The following PTPRD variants were observed in gnomAD, a reference collection of about 807,000 sequenced individuals.
PTPRD encodes the protein receptor-type tyrosine-protein phosphatase delta.
In PTPRD, 34 loss-of-function variants were observed where a neutral mutation model predicts 214.5. That is an observed-to-expected ratio of 0.16 (90% CI 0.12 to 0.21). PTPRD has a LOEUF of 0.21. PTPRD is among the 10% of genes least tolerant of loss of function. The pLI, the probability that PTPRD is intolerant of heterozygous loss-of-function variation, is 1.00. For missense variants in PTPRD, 2,545 were observed against 2,398.7 expected (o/e 1.06, Z -1.27); for synonymous variants, 1,128 against 845.7 (o/e 1.33, Z -5.79).
chr9:9,770,828 G>T (rs918803187), intron 5 of PTPRD, among the ~76,000 whole-genome samples: 3 of 152,126 alleles, frequency 2.0e-5, no homozygotes, highest in African/African-American at 7.2e-5. Flanking sequence ...TTGATGAAAT[G>T]AGAAGAGGAA....
chr9:10,604,060 G>C (rs1455018209), intron 2 of PTPRD, among the ~76,000 whole-genome samples: 2 of 151,676 alleles, frequency 1.3e-5, no homozygotes, highest in Non-Finnish European at 2.9e-5. Context: ...TCCCTATGAA[G>C]TTAAAAAACA....
chr9:8,594,254 TAA>T (rs2094332191), intron 14 of PTPRD, among the ~76,000 whole-genome samples: 1 of 152,186 alleles, frequency 6.6e-6, no homozygotes, highest in African/African-American at 2.4e-5. Flanking sequence ...TGCTGTTTTT[TAA>T]AGACAAAAAT....
intron 30 of PTPRD, among the ~76,000 whole-genome samples, chr9:8,480,194 T>C (rs1166663853): frequency 6.6e-6 from 1 of 152,198 alleles, no homozygotes; most frequent in Non-Finnish European, 1.5e-5. Context: ...AAGTACAACG[T>C]GGCCAAACAA....
intron 14 of PTPRD, among the ~76,000 whole-genome samples, chr9:8,550,917 C>G (rs2081906153): frequency 6.6e-6 from 1 of 152,182 alleles, no homozygotes; most frequent in Non-Finnish European, 1.5e-5. Flanking sequence ...ACGGGCCTGT[C>G]TTCGACAGTG....
intron 5 of PTPRD, among the ~76,000 whole-genome samples, chr9:9,871,845 C>G (rs2065545771): frequency 6.6e-6 from 1 of 152,096 alleles, no homozygotes; most frequent in African/African-American, 2.4e-5. Flanking sequence ...GAGGGGTTGG[C>G]TTGATCTTTT....
chr9:9,697,016 CAACTT>C (rs2097389194), intron 7 of PTPRD, among the ~76,000 whole-genome samples: 2 of 152,012 alleles, frequency 1.3e-5, no homozygotes, highest in Non-Finnish European at 2.9e-5. Flanking sequence ...TTTAAATAGA[CAACTT>C]ATCTGATCAC....
At chr9:9,518,972 A>G (rs768417083) in intron 8 of PTPRD, among the ~76,000 whole-genome samples, 22 of 151,978 alleles carry the variant, frequency 1.4e-4, no homozygotes, top group Non-Finnish European at 3.1e-4. Context: ...CTGTATGTGG[A>G]CCATTAGTTA....
At chr9:8,998,694 C>T (rs1278635230) in intron 11 of PTPRD, among the ~76,000 whole-genome samples, 1 of 152,018 alleles carries the variant, frequency 6.6e-6, no homozygotes, top group African/African-American at 2.4e-5. Flanking sequence ...GCTAGAGCTG[C>T]TATGGATAGT....
intron 11 of PTPRD, among the ~76,000 whole-genome samples, chr9:8,977,577 G>A (rs1400113614): frequency 3.3e-5 from 5 of 151,292 alleles, no homozygotes; most frequent in African/African-American, 1.2e-4. Flanking sequence ...AACCCTCGAG[G>A]TTTTGTTTAA....
At chr9:8,696,208 G>T (rs573663512) in intron 12 of PTPRD, among the ~76,000 whole-genome samples, 2 of 152,286 alleles carry the variant, frequency 1.3e-5, no homozygotes, top group African/African-American at 4.8e-5. Flanking sequence ...CACGGGATGG[G>T]AAACCAAGAG....
intron 9 of PTPRD, among the ~76,000 whole-genome samples, chr9:9,213,875 C>G (rs1211246543): frequency 2.0e-5 from 3 of 152,138 alleles, no homozygotes; most frequent in Non-Finnish European, 2.9e-5. Flanking sequence ...CTGAGGGTCT[C>G]CTTATCCCTT....
At chr9:10,373,341 T>C (rs1399086110) in intron 2 of PTPRD, among the ~76,000 whole-genome samples, 1 of 152,036 alleles carries the variant, frequency 6.6e-6, no homozygotes, top group Non-Finnish European at 1.5e-5. Flanking sequence ...TATTTATGTT[T>C]TCAAGTAACT....
chr9:9,676,763 T>C (rs1352414478), intron 7 of PTPRD, among the ~76,000 whole-genome samples: 1 of 152,172 alleles, frequency 6.6e-6, no homozygotes, highest in African/African-American at 2.4e-5. Flanking sequence ...GTGTTCCTAT[T>C]TCTCCACATC....
chr9:10,239,297 A>G (rs1398594057), intron 3 of PTPRD, among the ~76,000 whole-genome samples: 1 of 151,986 alleles, frequency 6.6e-6, no homozygotes, highest in Non-Finnish European at 1.5e-5. Flanking sequence ...ATGGTATAAT[A>G]AATGTGATAA....
In PTPRD at chr9:8,527,250, T is replaced by C. The variant is rs1430683066; in HGVS notation, c.550+95A>G. ...ATCTGGTGTCTACACTGACAGTTAG[T>C]AAAATGCATGCCATGCATTTTATTA... On this transcript the variant is annotated intron_variant, in intron 16 of 45. Transcript: ENST00000381196. 1.1e-5 allele frequency: 15 copies of C among 1,351,048 alleles called. No individual in the cohort carries two copies. The East Asian group carries it at 3.4e-4, about 30-fold the overall frequency. 83.7% of individuals were successfully genotyped at this position (1,351,048 alleles called of 1,614,324 possible).
chr9:9,182,706 A>G (rs2099928926), intron 10 of PTPRD, among the ~76,000 whole-genome samples: 1 of 152,058 alleles, frequency 6.6e-6, no homozygotes, highest in African/African-American at 2.4e-5. Flanking sequence ...GGGATATGTA[A>G]TGAAACAAAG....
chr9:10,397,527 A>G (rs10809085), intron 2 of PTPRD, among the ~76,000 whole-genome samples: 14,527 of 152,038 alleles, frequency 0.096, 1,625 homozygotes, highest in East Asian at 0.55. Context: ...AATTATTTAC[A>G]TATATAGTCA....
At chr9:9,449,806 G>C (rs147007368) in intron 8 of PTPRD, among the ~76,000 whole-genome samples, 1,740 of 151,870 alleles carry the variant, frequency 0.011, 16 homozygotes, top group South Asian at 0.025. Flanking sequence ...CTTTAGTGGT[G>C]ATTTCTGAGA....
intron 22 of PTPRD, 107 bp from the exon 23 acceptor site, chr9:8,504,512 T>G: frequency 8.0e-7 from 1 of 1,256,846 alleles, no homozygotes; most frequent in Non-Finnish European, 1.1e-6. Context: ...TATAATCTCA[T>G]CAAAATATCA....
Sources: allele counts gnomAD v4.1 joint callset (sites outside exome capture counted in the v4.1 genomes callset), GRCh38; gene constraint gnomAD v4.1.1; transcripts MANE v1.5; gene names NCBI Gene and HGNC (gene_info 2026-07-23, HGNC 2026-07-21).